The following ATP8A2 variants were observed in gnomAD, a reference collection of about 807,000 sequenced individuals.
ATP8A2 encodes ATPase phospholipid transporting 8A2, also known as phospholipid-transporting ATPase IB.
In ATP8A2, 100 loss-of-function variants were observed where a neutral mutation model predicts 165.6. The observed-to-expected ratio is 0.60, with a 90% confidence interval of 0.51 to 0.71. The LOEUF is 0.71. Among genes scored for constraint, ATP8A2 ranks in the 30% least tolerant of loss-of-function variants. The pLI is 0.00. For missense variants in ATP8A2, 1,227 were observed against 1,479.5 expected (o/e 0.83, Z 2.80); for synonymous variants, 543 against 548.8 (o/e 0.99, Z 0.15).
At chr13:25,811,685 T>TACAAA (rs1458258309) in intron 27 of ATP8A2, among the ~76,000 whole-genome samples, 1 of 152,114 alleles carries the variant, frequency 6.6e-6, no homozygotes, top group African/African-American at 2.4e-5. Flanking sequence ...ACTCCATCTT[T>TACAAA]ACAAAACAAA....
chr13:25,873,828 C>A (rs572889305), intron 33 of ATP8A2: 1 of 168,694 alleles, frequency 5.9e-6, no homozygotes. Flanking sequence ...TTAGTTTCAC[C>A]GTGTTAGCCA....
intron 27 of ATP8A2, among the ~76,000 whole-genome samples, chr13:25,780,132 A>G (rs553142591): frequency 6.6e-6 from 1 of 152,318 alleles, no homozygotes; most frequent in East Asian, 1.9e-4. Flanking sequence ...AATAATAGGG[A>G]CATTACTTGA....
chr13:25,977,365 C>T (rs1217529336), intron 35 of ATP8A2, among the ~76,000 whole-genome samples: 1 of 152,132 alleles, frequency 6.6e-6, no homozygotes, highest in Non-Finnish European at 1.5e-5. Flanking sequence ...TCTCGCCTTG[C>T]TGACAAATAC....
intron 35 of ATP8A2, among the ~76,000 whole-genome samples, chr13:25,991,447 C>T (rs1321093208): frequency 1.3e-5 from 2 of 152,132 alleles, no homozygotes; most frequent in African/African-American, 2.4e-5. Flanking sequence ...CCACAAGGAC[C>T]ACTTCCTCCC....
chr13:25,804,533 G>A (rs1322398716), intron 27 of ATP8A2, among the ~76,000 whole-genome samples: 1 of 152,116 alleles, frequency 6.6e-6, no homozygotes, highest in East Asian at 1.9e-4. Flanking sequence ...TACACGTACA[G>A]GACTAGAATG....
At chr13:25,385,454 A>G (rs187176768) in intron 1 of ATP8A2, among the ~76,000 whole-genome samples, 5,592 of 152,288 alleles carry the variant, frequency 0.037, 297 homozygotes, top group East Asian at 0.13. Context: ...AAACAAGATA[A>G]CATATATAAA....
intron 33 of ATP8A2, among the ~76,000 whole-genome samples, chr13:25,900,728 T>C (rs1953715970): frequency 6.6e-6 from 1 of 152,246 alleles, no homozygotes; most frequent in East Asian, 1.9e-4. Context: ...GGCTTAAGAT[T>C]TTATTTTTAT....
chr13:25,531,272 ATATATATGT>A (rs1399283705), intron 4 of ATP8A2, among the ~76,000 whole-genome samples: 17,338 of 59,592 alleles, frequency 0.29, 1,990 homozygotes, highest in Non-Finnish European at 0.38. Context: ...GATATATATG[ATATATATGT>A]TATATATGAT....
chr13:25,423,761 A>T (rs963572196), intron 1 of ATP8A2, among the ~76,000 whole-genome samples: 1 of 152,338 alleles, frequency 6.6e-6, no homozygotes, highest in South Asian at 2.1e-4. Flanking sequence ...GATGTTTGGC[A>T]TAGATCTTTC....
At chr13:25,434,973 T>C (rs2034714958) in intron 1 of ATP8A2, among the ~76,000 whole-genome samples, 2 of 152,182 alleles carry the variant, frequency 1.3e-5, no homozygotes, top group Admixed American at 1.3e-4. Flanking sequence ...AAAGAAACCA[T>C]GGAAGTGCTT....
intron 1 of ATP8A2, among the ~76,000 whole-genome samples, chr13:25,416,694 C>A (rs2034141283): frequency 6.6e-6 from 1 of 152,196 alleles, no homozygotes; most frequent in Non-Finnish European, 1.5e-5. Flanking sequence ...GAAACATTAG[C>A]TGTAATTTGT....
At chr13:25,633,991 A>T (rs771152748) in intron 24 of ATP8A2, among the ~76,000 whole-genome samples, 3 of 150,062 alleles carry the variant, frequency 2.0e-5, no homozygotes, top group African/African-American at 4.9e-5. Flanking sequence ...AAAAAAAAAG[A>T]TCATACGGAA....
chr13:25,870,235 T>C (rs1358300366), intron 33 of ATP8A2, among the ~76,000 whole-genome samples: 7 of 152,198 alleles, frequency 4.6e-5, no homozygotes, highest in Admixed American at 4.6e-4. Flanking sequence ...CTGATGTGTT[T>C]CTCTCAACGT....
chr13:25,483,755 A>G (rs778072613), intron 2 of ATP8A2, among the ~76,000 whole-genome samples: 1 of 152,162 alleles, frequency 6.6e-6, no homozygotes, highest in Non-Finnish European at 1.5e-5. Context: ...AAATAATTAG[A>G]TGAGAATGTA....
At chr13:25,857,653 C>A (rs1413282191) in intron 30 of ATP8A2, among the ~76,000 whole-genome samples, 1 of 146,634 alleles carries the variant, frequency 6.8e-6, no homozygotes, top group Admixed American at 7.1e-5. Flanking sequence ...TCACTGCAAC[C>A]TTCACCTCCC....
At chr13:25,811,725 G>T (rs148811673) in intron 27 of ATP8A2, among the ~76,000 whole-genome samples, 43 of 152,234 alleles carry the variant, frequency 2.8e-4, no homozygotes, top group Non-Finnish European at 5.6e-4. Context: ...GCCAGGCGTG[G>T]TGGCATGTTC....
At chr13:25,861,350 C>A (rs1049401596) in intron 32 of ATP8A2, among the ~76,000 whole-genome samples, 1 of 152,150 alleles carries the variant, frequency 6.6e-6, no homozygotes, top group African/African-American at 2.4e-5. Flanking sequence ...TTTTCTGTGA[C>A]TTAAAATACA....
At chr13:25,773,408 T>C (rs1010470807) in intron 26 of ATP8A2, among the ~76,000 whole-genome samples, 1 of 152,150 alleles carries the variant, frequency 6.6e-6, no homozygotes, top group Non-Finnish European at 1.5e-5. Flanking sequence ...GTTTACACTT[T>C]TTGGGACCTT....
chr13:25,710,740 C>T (rs1320374626), intron 25 of ATP8A2, among the ~76,000 whole-genome samples: 1 of 151,296 alleles, frequency 6.6e-6, no homozygotes, highest in Non-Finnish European at 1.5e-5. Flanking sequence ...CAAATGGTAA[C>T]ACAGTCACAG....
Sources: gnomAD v4.1 joint callset for allele counts (sites outside exome capture counted in the v4.1 genomes callset) on GRCh38, gnomAD v4.1.1 for gene constraint, MANE v1.5 for transcripts, NCBI Gene and HGNC (gene_info 2026-07-23, HGNC 2026-07-21) for gene names.